FRMD5: variants seen among roughly 807,000 people sequenced by gnomAD.
The protein encoded by FRMD5 is FERM domain containing 5.
FRMD5 carries 20 observed loss-of-function variants against 69.0 expected under a neutral mutation model. The ratio of observed to expected loss-of-function variants is 0.29; its 90% CI spans 0.20 to 0.42. The LOEUF (loss-of-function observed/expected upper bound fraction) is 0.42. FRMD5 is among the 10% of genes least tolerant of loss of function. FRMD5 has a pLI of 1.00. For synonymous variants in FRMD5, 271 were observed against 260.1 expected (o/e 1.04, Z -0.40); for missense variants, 595 against 708.6 (o/e 0.84, Z 1.82).
At chr15:44,058,595 G>T (rs1892964617) in intron 1 of FRMD5, among the ~76,000 whole-genome samples, 1 of 152,064 alleles carries the variant, frequency 6.6e-6, no homozygotes, top group Non-Finnish European at 1.5e-5. Context: ...GACCATCCTG[G>T]CTAACACAGT....
At chr15:44,189,399 T>C (rs1318743167) in intron 1 of FRMD5, among the ~76,000 whole-genome samples, 1 of 152,082 alleles carries the variant, frequency 6.6e-6, no homozygotes, top group Non-Finnish European at 1.5e-5. Flanking sequence ...ATGGAGAAAC[T>C]GGAGGTTGGG....
intron 3 of FRMD5, 108 bp downstream of exon 3, chr15:43,919,653 TATACTC>T (rs1332181847): frequency 1.2e-4 from 167 of 1,442,050 alleles, no homozygotes; most frequent in Admixed American, 3.4e-4. Context: ...AGGGCCAACT[TATACTC>T]AGAACAGTGG....
chr15:43,920,221 T>C (rs2089469652), intron 2 of FRMD5, among the ~76,000 whole-genome samples: 2 of 152,224 alleles, frequency 1.3e-5, no homozygotes, highest in South Asian at 2.1e-4. Flanking sequence ...CAGCTTTTTT[T>C]TTCTTCTTTT....
At chr15:43,913,045 A>G (rs1463854054) in intron 4 of FRMD5, among the ~76,000 whole-genome samples, 14 of 151,612 alleles carry the variant, frequency 9.2e-5, no homozygotes, top group Admixed American at 6.6e-4. Flanking sequence ...AAAAAAAAAA[A>G]AAAAGAAAAG....
intron 1 of FRMD5, among the ~76,000 whole-genome samples, chr15:44,045,512 G>A (rs1388926290): frequency 6.6e-6 from 1 of 152,090 alleles, no homozygotes; most frequent in African/African-American, 2.4e-5. Context: ...AAAAACAGGG[G>A]AAAGTGGAAA....
chr15:43,901,616 C>T (rs2089047515), intron 7 of FRMD5, among the ~76,000 whole-genome samples: 1 of 152,208 alleles, frequency 6.6e-6, no homozygotes, highest in Non-Finnish European at 1.5e-5. Flanking sequence ...CAGGCCTCGG[C>T]AGTGACTGGC....
intron 1 of FRMD5, among the ~76,000 whole-genome samples, chr15:44,065,621 A>T (rs1235874574): frequency 6.6e-6 from 1 of 152,172 alleles, no homozygotes; most frequent in Non-Finnish European, 1.5e-5. Context: ...ATCCTTGAGA[A>T]TATATTGATT....
chr15:44,137,512 G>C (rs991651456), intron 1 of FRMD5, among the ~76,000 whole-genome samples: 3 of 152,028 alleles, frequency 2.0e-5, no homozygotes, highest in African/African-American at 7.3e-5. Context: ...TAATGGAATC[G>C]GAATCATATC....
chr15:43,938,227 G>C (rs1400037150), intron 1 of FRMD5, among the ~76,000 whole-genome samples: 2 of 101,362 alleles, frequency 2.0e-5, no homozygotes, highest in Non-Finnish European at 3.5e-5. Flanking sequence ...GCGAGACTCC[G>C]TCTCAAAAAA....
intron 1 of FRMD5, among the ~76,000 whole-genome samples, chr15:44,142,600 T>A (rs982093105): frequency 3.3e-5 from 5 of 152,166 alleles, no homozygotes; most frequent in Admixed American, 3.3e-4. Flanking sequence ...GGCCAGAAAA[T>A]TTCTTTAAAA....
intron 1 of FRMD5, among the ~76,000 whole-genome samples, chr15:44,112,085 C>G (rs1168036602): frequency 6.6e-6 from 1 of 152,032 alleles, no homozygotes; most frequent in African/African-American, 2.4e-5. Flanking sequence ...CCTCGTGATC[C>G]GCCCACCTCG....
At chr15:44,127,288 C>T (rs991020598) in intron 1 of FRMD5, among the ~76,000 whole-genome samples, 4 of 152,150 alleles carry the variant, frequency 2.6e-5, no homozygotes, top group East Asian at 1.9e-4. Flanking sequence ...GACAGGGTTT[C>T]GCCATGTTGG....
At chr15:44,167,366 T>A (rs1826377846) in intron 1 of FRMD5, among the ~76,000 whole-genome samples, 1 of 151,452 alleles carries the variant, frequency 6.6e-6, no homozygotes, top group Non-Finnish European at 1.5e-5. Flanking sequence ...AGACCCTGCC[T>A]GTCTCAAAAA....
chr15:44,118,454 T>C (rs542146735), intron 1 of FRMD5, among the ~76,000 whole-genome samples: 1 of 152,320 alleles, frequency 6.6e-6, no homozygotes, highest in Non-Finnish European at 1.5e-5. Context: ...TATTTAATAC[T>C]CTGTATTATT....
chr15:44,056,550 G>C (rs960013547), intron 1 of FRMD5, among the ~76,000 whole-genome samples: 1 of 152,158 alleles, frequency 6.6e-6, no homozygotes, highest in East Asian at 1.9e-4. Flanking sequence ...ATGGCCAGGA[G>C]AACAAGTTTC....
chr15:43,988,631 A>T (rs1467388595), intron 1 of FRMD5, among the ~76,000 whole-genome samples: 1 of 152,174 alleles, frequency 6.6e-6, no homozygotes, highest in Non-Finnish European at 1.5e-5. Flanking sequence ...GATCATTCAA[A>T]ATAAAACAAA....
chr15:43,950,329 T>C (rs2090007676), intron 1 of FRMD5, among the ~76,000 whole-genome samples: 1 of 152,158 alleles, frequency 6.6e-6, no homozygotes, highest in African/African-American at 2.4e-5. Flanking sequence ...CAATCCTATT[T>C]TCCTCAATAA....
chr15:43,980,342 G>A (rs2090529322), intron 1 of FRMD5, among the ~76,000 whole-genome samples: 2 of 152,188 alleles, frequency 1.3e-5, no homozygotes, highest in Non-Finnish European at 2.9e-5. Context: ...GGTGTGGGGA[G>A]ATATCCTTAA....
At chr15:43,973,755 TA>T (rs958463370) in intron 1 of FRMD5, among the ~76,000 whole-genome samples, 2 of 151,952 alleles carry the variant, frequency 1.3e-5, no homozygotes, top group African/African-American at 4.8e-5. Flanking sequence ...AATCTTAATC[TA>T]AATGCTATAT....
Sources: allele counts gnomAD v4.1 joint callset (sites outside exome capture counted in the v4.1 genomes callset), GRCh38; gene constraint gnomAD v4.1.1; transcripts MANE v1.5; gene names NCBI Gene and HGNC (gene_info 2026-07-23, HGNC 2026-07-21).